The following OOSP1 variants were observed in gnomAD, a reference collection of about 807,000 sequenced individuals.
OOSP1 encodes the protein putative oocyte-secreted protein 1 homolog.
A neutral mutation model predicts 5.7 loss-of-function variants in OOSP1; 11 were observed. That is an observed-to-expected ratio of 1.94 (90% CI 1.22 to 3.20). The LOEUF (loss-of-function observed/expected upper bound fraction) is 3.20. Ranked by LOEUF, OOSP1 falls within the 30% of genes most tolerant of loss-of-function variation. The pLI is 0.00. For synonymous variants in OOSP1, 44 were observed against 20.0 expected, an observed-to-expected ratio of 2.20 and a Z score of -3.20; for missense variants, 83 against 54.1, an observed-to-expected ratio of 1.53 and a Z score of -1.67.
chr11:59,942,655 G>A (rs1260992769), intron 1 of OOSP1, among the ~76,000 whole-genome samples, 192 bp from the exon 2 acceptor site: 3 of 152,108 alleles, frequency 2.0e-5, no homozygotes, highest in African/African-American at 4.8e-5. Flanking sequence ...TGAAGAATGA[G>A]TATATGTGTG....
intron 1 of OOSP1, among the ~76,000 whole-genome samples, chr11:59,941,764 G>T (rs1320143182): frequency 6.6e-6 from 1 of 152,124 alleles, no homozygotes. Flanking sequence ...TATGGTTGTT[G>T]TATGTTTAGT....
Position 59,945,177 on chromosome 11 carries a change from G to A in OOSP1, c.267G>A (p.Gln89=), listed in dbSNP as rs1447827866. 8.5e-6 allele frequency: 6 copies of A among 702,762 alleles called. No homozygotes were observed. The Admixed American group carries it at 1.0e-4, about 12-fold the overall frequency. 43.5% of individuals were successfully genotyped at this position (702,762 alleles called of 1,614,324 possible). A position where few individuals can be genotyped will look rare whatever the true frequency, so the allele number is the denominator to read the frequency against. ...CTCTCTTTGTCTTGTAGCCTCTCCA[G>A]GAAGTTCTTCTGCTTAAAACTAAAA... Residue 89 remains glutamine (Q), a synonymous_variant, in exon 3 of 5, where the codon CAG becomes CAA. Transcript: ENST00000646685.
chr11:59,945,398 A>C lies in OOSP1; in HGVS notation c.356+132A>C, dbSNP rs1182938409. ...GGGGAGACACCAAACCCTAATGGGA[A>C]CACAGATCTCTTGATCCTTGGTGTC... On this transcript the variant is annotated intron_variant, in intron 3 of 4. Coordinates refer to ENST00000646685, the Ensembl canonical transcript of OOSP1. 7 of 695,442 alleles carry C rather than the reference A, an allele frequency of 1.0e-5. No individual in the cohort carries two copies. The Admixed American group carries it at 1.4e-4, about 14-fold the overall frequency. 43.1% of individuals were successfully genotyped at this position (695,442 alleles called of 1,614,324 possible).
chr11:59,943,108 G>A (rs1294115477), intron 2 of OOSP1, 80 bp downstream of exon 2: 2 of 626,576 alleles, frequency 3.2e-6, no homozygotes, highest in East Asian at 5.9e-5. Flanking sequence ...TGTTCTCATT[G>A]CTCAATTCCC....
exon 3 of OOSP1, chr11:59,945,184 C>A (rs1369898277): frequency 1.4e-6 from 1 of 702,906 alleles, no homozygotes; most frequent in Admixed American, 2.0e-5. Flanking sequence ...CCAGGAAGTT[C>A]TTCTGCTTAA....
rs187913283 is a variant in OOSP1, at chr11:59,945,539, G to A, written c.356+273G>A. Among the ~76,000 whole-genome samples, 788 of 151,320 alleles carry A rather than the reference G, an allele frequency of 5.2e-3. 10 individuals carry two copies. The highest frequency in any genetic ancestry group is 0.018 in the African/African-American group (723 of 41,244). Reference sequence around the variant, plus strand: ...GGAGGATCATGAGGTCAGAAGATCGGGACCATCCTGGCTAACACGGTGAAA... The same window carrying A: ...GGAGGATCATGAGGTCAGAAGATCGAGACCATCCTGGCTAACACGGTGAAA... On this transcript the variant is annotated intron_variant, in intron 3 of 4. Coordinates refer to ENST00000646685, the Ensembl canonical transcript of OOSP1.
intron 1 of OOSP1, among the ~76,000 whole-genome samples, chr11:59,942,610 T>TC (rs550686523): frequency 2.0e-5 from 3 of 152,124 alleles, no homozygotes; most frequent in African/African-American, 4.8e-5. Flanking sequence ...ATTGATTTTT[T>TC]CCCCCCTATA....
At chr11:59,950,312 G>A (rs747129891) in intron 4 of OOSP1, among the ~76,000 whole-genome samples, 14 of 152,120 alleles carry the variant, frequency 9.2e-5, no homozygotes, top group East Asian at 1.9e-4. Flanking sequence ...GAATATAGAG[G>A]TCTAGAGTTC....
intron 4 of OOSP1, among the ~76,000 whole-genome samples, chr11:59,954,338 C>T (rs773814847): frequency 9.9e-5 from 15 of 152,008 alleles, no homozygotes; most frequent in Non-Finnish European, 1.9e-4. Flanking sequence ...ATGTGCAGTA[C>T]GTAAACAAAT....
chr11:59,953,376 C>CATAT (rs550307043), intron 4 of OOSP1, among the ~76,000 whole-genome samples: 1 of 151,620 alleles, frequency 6.6e-6, no homozygotes, highest in Non-Finnish European at 1.5e-5. Context: ...TCTTAGATCT[C>CATAT]ATATATATAT....
intron 4 of OOSP1, among the ~76,000 whole-genome samples, chr11:59,955,154 C>T (rs948607195): frequency 3.3e-5 from 5 of 151,920 alleles, no homozygotes; most frequent in South Asian, 2.1e-4. Flanking sequence ...AGATAAAATT[C>T]GTCAACTGGC....
chr11:59,942,056 G>A (rs1853833183), intron 1 of OOSP1, among the ~76,000 whole-genome samples: 1 of 152,104 alleles, frequency 6.6e-6, no homozygotes, highest in Admixed American at 6.6e-5. Context: ...TTTCTCCGCT[G>A]AGTTTTCAGT....
At chr11:59,949,704 C>A (rs935868619) in intron 4 of OOSP1, among the ~76,000 whole-genome samples, 5 of 151,992 alleles carry the variant, frequency 3.3e-5, no homozygotes, top group Non-Finnish European at 7.4e-5. Context: ...AAGATGGGCA[C>A]CCCCTGGAAA....
chr11:59,943,090 T>C (rs1222170987), intron 2 of OOSP1, 62 bp downstream of exon 2: 1 of 678,838 alleles, frequency 1.5e-6, no homozygotes, highest in Non-Finnish European at 2.7e-6. Context: ...CCCCTTCCTG[T>C]GTCCATGTGT....
At chr11:59,945,252 G>A (rs545086371) in exon 3 of OOSP1, 6 of 702,928 alleles carry the variant, frequency 8.5e-6, no homozygotes, top group African/African-American at 1.7e-5. Context: ...TGCCTCTGTC[G>A]TGTGTCGTCC....
chr11:59,948,817 G>T (rs1243045723), intron 4 of OOSP1: 27 of 397,908 alleles, frequency 6.8e-5, no homozygotes, highest in Non-Finnish European at 1.2e-4. Flanking sequence ...TGCCATGATT[G>T]CTTAGGACTG....
intron 2 of OOSP1, among the ~76,000 whole-genome samples, 184 bp from the exon 3 acceptor site, chr11:59,944,985 T>G (rs1038560994): frequency 6.6e-6 from 1 of 152,240 alleles, no homozygotes. Context: ...TGTGCCAGAT[T>G]TTAACCCATC....
chr11:59,956,580 A>G (rs1406226897), intron 4 of OOSP1, among the ~76,000 whole-genome samples: 1 of 151,814 alleles, frequency 6.6e-6, no homozygotes, highest in Non-Finnish European at 1.5e-5. Flanking sequence ...TCCATTGGTT[A>G]TTGGGGTACA....
intron 1 of OOSP1, among the ~76,000 whole-genome samples, chr11:59,940,618 T>C (rs537378565): frequency 6.6e-6 from 1 of 152,350 alleles, no homozygotes; most frequent in East Asian, 1.9e-4. Context: ...TGTTCTCACA[T>C]TGATAGAATT....
Sources: allele counts gnomAD v4.1 joint callset (sites outside exome capture counted in the v4.1 genomes callset), GRCh38; gene constraint gnomAD v4.1.1; transcripts MANE v1.5; gene names NCBI Gene and HGNC (gene_info 2026-07-23, HGNC 2026-07-21).